CC2D2A: variants seen among roughly 807,000 people sequenced by gnomAD.
CC2D2A encodes the protein coiled-coil and C2 domain-containing protein 2A.
In CC2D2A, 155 loss-of-function variants were observed where a neutral mutation model predicts 212.9. The observed-to-expected ratio is 0.73, with a 90% confidence interval of 0.64 to 0.83. CC2D2A has a LOEUF of 0.83. Ranked by LOEUF, CC2D2A falls within the 40% of genes least tolerant of loss-of-function variation. CC2D2A has a pLI of 0.00. For missense variants in CC2D2A, 1,856 were observed against 1,956.2 expected (o/e 0.95, Z 0.97); for synonymous variants, 667 against 686.5 (o/e 0.97, Z 0.44).
chr4:15,479,195 C>T (rs921583782), intron 3 of CC2D2A: 1 of 1,512,870 alleles, frequency 6.6e-7, no homozygotes, highest in Non-Finnish European at 8.9e-7. Context: ...TTTTCCAACT[C>T]CAAGCCCAAA....
Position 15,547,630 on chromosome 4 carries a change from G to A in CC2D2A, c.2182-3194G>A, listed in dbSNP as rs115045406. 9.4e-3 allele frequency among the ~76,000 whole-genome samples: 1,426 copies of A among 152,238 alleles called. 23 individuals carry two copies. The highest frequency in any genetic ancestry group is 0.033 in the African/African-American group (1,353 of 41,538). On this transcript the variant is annotated intron_variant, in intron 17 of 36. Transcript: ENST00000424120. ...ACTTGGCCTGAGAACCCTCAGCATCGTTGAGAGAAAACAAAAATGAAACTA... is the reference window on the plus strand; with the variant it reads ...ACTTGGCCTGAGAACCCTCAGCATCATTGAGAGAAAACAAAAATGAAACTA...
intron 6 of CC2D2A, among the ~76,000 whole-genome samples, chr4:15,507,464 A>T (rs1716325313): frequency 6.6e-6 from 1 of 152,168 alleles, no homozygotes; most frequent in African/African-American, 2.4e-5. Context: ...ATTCCAGGGT[A>T]TCCCTTCCTC....
chr4:15,481,822 G>T, intron 4 of CC2D2A: 2 of 985,396 alleles, frequency 2.0e-6, no homozygotes, highest in Non-Finnish European at 2.4e-6. Context: ...CTCAAAGGAA[G>T]ATGAAATTGT....
At chr4:15,596,387 T>C (rs1359393360) in intron 34 of CC2D2A, among the ~76,000 whole-genome samples, 180 bp downstream of exon 34, 1 of 151,948 alleles carries the variant, frequency 6.6e-6, no homozygotes, top group Non-Finnish European at 1.5e-5. Context: ...AAAGGACCAG[T>C]ATACACATCT....
chr4:15,525,630 A>C (rs1717465927), intron 11 of CC2D2A, among the ~76,000 whole-genome samples: 1 of 152,232 alleles, frequency 6.6e-6, no homozygotes, highest in South Asian at 2.1e-4. Flanking sequence ...ACAAAAGACC[A>C]GTGGAAGCTG....
chr4:15,497,983 G>A (rs1252569365), intron 4 of CC2D2A, among the ~76,000 whole-genome samples: 1 of 152,208 alleles, frequency 6.6e-6, no homozygotes, highest in Non-Finnish European at 1.5e-5. Context: ...TGAAATACCT[G>A]TTTGTTAGGA....
At chr4:15,556,103 A>T (rs1407249059) in intron 20 of CC2D2A, among the ~76,000 whole-genome samples, 2 of 152,214 alleles carry the variant, frequency 1.3e-5, no homozygotes, top group African/African-American at 2.4e-5. Flanking sequence ...TCTTTCTTCA[A>T]TGAATTTGCA....
intron 11 of CC2D2A, among the ~76,000 whole-genome samples, chr4:15,525,210 T>C (rs1717441246): frequency 6.6e-6 from 1 of 152,188 alleles, no homozygotes; most frequent in Non-Finnish European, 1.5e-5. Flanking sequence ...AGAACCACTC[T>C]ACCCACGTTA....
intron 24 of CC2D2A, 71 bp downstream of exon 24, chr4:15,563,593 A>C (rs1451215423): frequency 6.8e-7 from 1 of 1,476,324 alleles, no homozygotes; most frequent in Non-Finnish European, 9.3e-7. Flanking sequence ...CCTTTACAGC[A>C]TACTCACTCT....
At chr4:15,584,973 T>C (rs1205790795) in intron 30 of CC2D2A, among the ~76,000 whole-genome samples, 1 of 152,186 alleles carries the variant, frequency 6.6e-6, no homozygotes, top group Non-Finnish European at 1.5e-5. Flanking sequence ...AAATGGCTCT[T>C]TTCAGAAAGA....
Position 15,516,017 on chromosome 4 carries a change from C to T in CC2D2A, c.1017+13C>T, listed in dbSNP as rs1716851135. The stretch of plus-strand genomic sequence containing the variant: ...GATGCAGGACCCCGTAAGTGTGCAC[C>T]CTCTGCTCTCAGGTGTAGCCTGGGC... On this transcript the variant is annotated intron_variant, in intron 10 of 36. Transcript: ENST00000424120. 6.3e-7 allele frequency: 1 copy of T among 1,580,896 alleles called. No homozygotes were observed. The highest frequency in any genetic ancestry group is 8.6e-7 in the Non-Finnish European group (1 of 1,163,462).
At chr4:15,543,721 G>A (rs1396185719) in intron 17 of CC2D2A, 1 of 152,318 alleles carries the variant, frequency 6.6e-6, no homozygotes, top group Non-Finnish European at 1.5e-5. Flanking sequence ...TCTGCTCTGG[G>A]GCTTCTGCTG....
intron 4 of CC2D2A, chr4:15,482,027 C>T: frequency 2.0e-6 from 2 of 985,428 alleles, no homozygotes; most frequent in Non-Finnish European, 1.2e-6. Context: ...GACCACCCTT[C>T]AGGCATTGCT....
At chr4:15,497,546 T>G (rs1404068890) in intron 4 of CC2D2A, among the ~76,000 whole-genome samples, 1 of 152,212 alleles carries the variant, frequency 6.6e-6, no homozygotes, top group African/African-American at 2.4e-5. Flanking sequence ...TTTATCATAC[T>G]TTTAAATATT....
At position 15,555,044 on chromosome 4, in the gene CC2D2A, G is replaced by A. The variant is rs765653957; in HGVS notation, c.2487-28G>A. The A allele has an allele frequency of 3.1e-6, 5 of 1,593,292 alleles. No homozygotes were observed. In the African/African-American group the frequency reaches 5.4e-5, roughly 17 times the overall value. The stretch of plus-strand genomic sequence containing the variant: ...TGCAAACTGTTCTGTGGTCAAGTCA[G>A]TCTCATGGAATCAACTCTTCTTTTC... On this transcript the variant is annotated intron_variant, in intron 19 of 36. Coordinates refer to ENST00000424120, the MANE Select transcript of CC2D2A (RefSeq NM_001378615.1).
At chr4:15,479,250 T>C in intron 3 of CC2D2A, 1 of 1,537,248 alleles carries the variant, frequency 6.5e-7, no homozygotes. Context: ...CCGAGCCTGC[T>C]GGCAGATCCT....
Position 15,550,888 on chromosome 4 carries a change from A to G in CC2D2A, c.2246A>G (p.Glu749Gly). Residue 749 changes from glutamate (E) to glycine (G), a missense_variant, in exon 18 of 37, where the codon GAG (glutamate) becomes GGG (glycine). Glu to Gly is a moderately conservative substitution (Grantham distance 98). Transcript: ENST00000424120. ...GCAGAAGTGTTTCTGCCTATTCCTG[A>G]GACTACTGTTGTCACTGGAAGGGCT... ...LLAEVFLPIP[E>G]TTVVTGRAPT... 6.2e-7 allele frequency: 1 copy of G among 1,605,136 alleles called. No homozygotes were observed.
Position 15,510,640 on chromosome 4 carries a change from G to C in CC2D2A, c.540+400G>C, listed in dbSNP as rs1716519567. Among the ~76,000 whole-genome samples the C allele has an allele frequency of 4.6e-5, 7 of 152,198 alleles. No homozygotes were observed. In the South Asian group the frequency reaches 1.5e-3, roughly 32 times the overall value. On this transcript the variant is annotated intron_variant, in intron 7 of 36. Transcript: ENST00000424120. ...TGACTACATATATAACCTGACTCCT[G>C]TTGCCATGCAGTTTGCAAGAAAAAA...
intron 4 of CC2D2A, among the ~76,000 whole-genome samples, chr4:15,494,943 G>A (rs1374798831): frequency 6.6e-6 from 1 of 152,068 alleles, no homozygotes; most frequent in Non-Finnish European, 1.5e-5. Flanking sequence ...AGGTTCAAGG[G>A]GTACATGTGC....
Sources: allele counts gnomAD v4.1 joint callset (sites outside exome capture counted in the v4.1 genomes callset), GRCh38; gene constraint gnomAD v4.1.1; transcripts MANE v1.5; gene names NCBI Gene and HGNC (gene_info 2026-07-23, HGNC 2026-07-21).